The following CASK variants were observed in gnomAD, a reference collection of about 807,000 sequenced individuals.
The protein encoded by CASK is peripheral plasma membrane protein CASK.
A neutral mutation model predicts 82.9 loss-of-function variants in CASK; 4 were observed. That is an observed-to-expected ratio of 0.05 (90% CI 0.02 to 0.11). The LOEUF (loss-of-function observed/expected upper bound fraction) is 0.11. Ranked by LOEUF, CASK falls within the 10% of genes least tolerant of loss-of-function variation. The pLI, the probability that CASK is intolerant of heterozygous loss-of-function variation, is 1.00. For missense variants in CASK, 358 were observed against 720.9 expected (o/e 0.50, Z 5.76); for synonymous variants, 259 against 253.5 (o/e 1.02, Z -0.20).
intron 2 of CASK, among the ~76,000 whole-genome samples, chrX:41,806,768 G>A (rs764301239): frequency 4.5e-5 from 5 of 112,063 alleles, no homozygotes; most frequent in Admixed American, 1.9e-4. Flanking sequence ...TTTATCCAAG[G>A]AAGAGGGAAA....
At chrX:41,794,607 T>C (rs1295008728) in intron 2 of CASK, among the ~76,000 whole-genome samples, 1 of 112,178 alleles carries the variant, frequency 8.9e-6, no homozygotes, top group African/African-American at 3.2e-5. Flanking sequence ...TTTTCAATAT[T>C]AAAGTCTTAA....
intron 24 of CASK, among the ~76,000 whole-genome samples, chrX:41,533,858 A>T (rs1293078745): frequency 4.5e-5 from 5 of 111,199 alleles, no homozygotes; most frequent in Non-Finnish European, 3.8e-5. Flanking sequence ...GGGTTTCTCC[A>T]TGTTGGTCAG....
intron 1 of CASK, among the ~76,000 whole-genome samples, chrX:41,868,004 T>C (rs974208779): frequency 1.7e-4 from 19 of 112,369 alleles, no homozygotes; most frequent in African/African-American, 5.2e-4. Context: ...TTTGTGAAGT[T>C]AGAGGTATAT....
At chrX:41,557,217 T>G (rs1035983469) in intron 18 of CASK, 117 bp from the exon 19 acceptor site, 1 of 625,365 alleles carries the variant, frequency 1.6e-6, no homozygotes, top group African/African-American at 2.2e-5. Flanking sequence ...TTGAGCTGTA[T>G]AGGTGCCATA....
At chrX:41,612,782 C>CG (rs2066109743) in intron 11 of CASK, among the ~76,000 whole-genome samples, 1 of 98,261 alleles carries the variant, frequency 1.0e-5, no homozygotes, top group Admixed American at 1.0e-4. Flanking sequence ...CCCGGCCAGC[C>CG]GCCCCGTCTG....
At chrX:41,543,219 G>C (rs1423145100) in intron 21 of CASK, among the ~76,000 whole-genome samples, 2 of 112,010 alleles carry the variant, frequency 1.8e-5, no homozygotes, top group Non-Finnish European at 3.8e-5. Flanking sequence ...ACAGGGAATT[G>C]CATCACCATT....
chrX:41,599,634 T>C (rs775909559), intron 12 of CASK, among the ~76,000 whole-genome samples: 1 of 112,171 alleles, frequency 8.9e-6, no homozygotes, highest in East Asian at 2.8e-4. Context: ...ACCTCCTAGT[T>C]CAATCCAAGA....
intron 1 of CASK, among the ~76,000 whole-genome samples, chrX:41,864,406 C>A (rs923631975): frequency 9.0e-6 from 1 of 111,457 alleles, no homozygotes; most frequent in Non-Finnish European, 1.9e-5. Context: ...CTACCTCCTG[C>A]CCCCGTACTC....
chrX:41,807,715 C>T (rs1216593707), intron 2 of CASK, among the ~76,000 whole-genome samples: 3 of 111,138 alleles, frequency 2.7e-5, no homozygotes, highest in Non-Finnish European at 5.7e-5. Context: ...AAGCACAAGA[C>T]ATAGAGAGAA....
At chrX:41,881,931 T>G (rs747793955) in intron 1 of CASK, among the ~76,000 whole-genome samples, 2 of 111,487 alleles carry the variant, frequency 1.8e-5, no homozygotes, top group South Asian at 7.5e-4. Context: ...CTGGTAACCC[T>G]GGGCAAGTGG....
intron 12 of CASK, 30 bp from the exon 13 acceptor site, chrX:41,589,622 C>T: frequency 1.0e-6 from 1 of 974,689 alleles, no homozygotes; most frequent in Non-Finnish European, 1.5e-6. Context: ...ATCCAGTAAA[C>T]ACTCACAATT....
In CASK at chrX:41,551,936, T is replaced by A. The variant is rs1380787105; in HGVS notation, c.2039+1783A>T. Among the ~76,000 whole-genome samples the A allele has an allele frequency of 5.6e-5, 6 of 106,683 alleles. No homozygotes were observed. The East Asian group carries it at 1.8e-3, about 31-fold the overall frequency. The allele number at this position is 106,683 out of a possible 115,157, so 92.6% of individuals were successfully genotyped here. A position where few individuals can be genotyped will look rare whatever the true frequency, so the allele number is the denominator to read the frequency against. ...CACTGAGCTCCCCAGTACCTTTTTT[T>A]ATTTCCCGGACACAGAGTCTCACTC... is the stretch of plus-strand genomic sequence containing the variant. On this transcript the variant is annotated intron_variant, in intron 21 of 26. Transcript: ENST00000378163.
chrX:41,838,671 G>GA (rs1405595712), intron 2 of CASK, among the ~76,000 whole-genome samples: 1 of 111,022 alleles, frequency 9.0e-6, no homozygotes, highest in African/African-American at 3.3e-5. Context: ...TGAGGCACAA[G>GA]AATCACTTGA....
chrX:41,910,114 C>T (rs1158295806), intron 1 of CASK, among the ~76,000 whole-genome samples: 1 of 110,282 alleles, frequency 9.1e-6, no homozygotes, highest in African/African-American at 3.3e-5. Context: ...CCCAGCTACT[C>T]GGGAGGCTGA....
At chrX:41,622,574 T>G (rs1480889181) in intron 11 of CASK, 43 bp downstream of exon 11, 1 of 1,140,612 alleles carries the variant, frequency 8.8e-7, no homozygotes, top group Non-Finnish European at 1.2e-6. Flanking sequence ...CAAACACTTT[T>G]GCATAAAAGA....
intron 3 of CASK, among the ~76,000 whole-genome samples, chrX:41,769,716 G>A (rs2069184288): frequency 9.0e-6 from 1 of 111,229 alleles, no homozygotes; most frequent in South Asian, 3.8e-4. Context: ...TGAGGAGGCA[G>A]GATGATTCCT....
In CASK at chrX:41,542,806, C is replaced by T; in HGVS notation, c.2040G>A (p.Trp680Ter). 1 of 1,090,495 alleles carries T rather than the reference C, an allele frequency of 9.2e-7. No individual in the cohort carries two copies. Among genetic ancestry groups the T allele is most frequent in the Non-Finnish European group, 1.3e-6 (1 of 787,236 alleles). 89.9% of individuals were successfully genotyped at this position (1,090,495 alleles called of 1,213,427 possible). ...TCTCCATGGCAATGCAAGCTACTCG[C>T]CTAGCACATACAAAAAGAAAAATAA... is the stretch of plus-strand genomic sequence containing the variant. ...GLIPSPELQE[W>*]RVACIAMEKT... The change falls in exon 22 of 27, where the codon TGG becomes TGA. Residue 680 changes from tryptophan (W) to a stop codon, truncating the protein, a stop_gained and splice_region_variant. Coordinates refer to ENST00000378163, the MANE Select transcript of CASK (RefSeq NM_001367721.1). LOFTEE classifies it high-confidence loss of function.
chrX:41,796,119 C>T (rs1306568520), intron 2 of CASK, among the ~76,000 whole-genome samples: 1 of 111,940 alleles, frequency 8.9e-6, no homozygotes, highest in Non-Finnish European at 1.9e-5. Flanking sequence ...TCCTTTTAAG[C>T]ACTAACACAT....
intron 8 of CASK, among the ~76,000 whole-genome samples, chrX:41,654,286 C>T (rs995857532): frequency 9.0e-5 from 10 of 111,354 alleles, no homozygotes; most frequent in Non-Finnish European, 1.9e-4. Context: ...ATGAAGAAAA[C>T]AGTGATGGGG....
Sources: gnomAD v4.1 joint callset for allele counts (sites outside exome capture counted in the v4.1 genomes callset) on GRCh38, gnomAD v4.1.1 for gene constraint, MANE v1.5 for transcripts, NCBI Gene and HGNC (gene_info 2026-07-23, HGNC 2026-07-21) for gene names.